TOM1L2: variants seen among roughly 807,000 people sequenced by gnomAD.
TOM1L2 encodes TOM1-like protein 2.
TOM1L2 carries 31 observed loss-of-function variants against 67.9 expected under a neutral mutation model. That is an observed-to-expected ratio of 0.46 (90% confidence interval 0.34 to 0.62). The LOEUF (loss-of-function observed/expected upper bound fraction) is 0.62, where lower values mean the gene tolerates loss of function less well. TOM1L2 is among the 20% of genes least tolerant of loss of function. TOM1L2 has a pLI of 0.01. For synonymous variants in TOM1L2, 256 were observed against 254.0 expected, an observed-to-expected ratio of 1.01 and a Z score of -0.07; for missense variants, 606 against 663.5, an observed-to-expected ratio of 0.91 and a Z score of 0.95.
At chr17:17,938,949 C>T (rs2040620364) in intron 1 of TOM1L2, among the ~76,000 whole-genome samples, 1 of 152,058 alleles carries the variant, frequency 6.6e-6, no homozygotes, top group African/African-American at 2.4e-5. Flanking sequence ...CTTGCCCAGA[C>T]ACACACACAG....
intron 7 of TOM1L2, among the ~76,000 whole-genome samples, chr17:17,874,056 T>C (rs568749369): frequency 6.8e-6 from 1 of 147,870 alleles, no homozygotes; most frequent in Non-Finnish European, 1.5e-5. Flanking sequence ...CCCGGGTTCA[T>C]GACATTCTCC....
Position 17,951,218 on chromosome 17 carries a change from G to A in TOM1L2, c.52+21044C>T, listed in dbSNP as rs1294773269. 5.9e-5 allele frequency among the ~76,000 whole-genome samples: 9 copies of A among 152,174 alleles called. 1 individual carries two copies. The highest frequency in any genetic ancestry group is 1.3e-4 in the Admixed American group (2 of 15,278). The stretch of plus-strand genomic sequence containing the variant: ...GGAAAATGACCAGCACCCAGTAGAC[G>A]GCAGTTCCCTCGCCCACCCAGCCCT... On this transcript the variant is annotated intron_variant, in intron 1 of 14. Transcript: ENST00000379504.
intron 12 of TOM1L2, among the ~76,000 whole-genome samples, chr17:17,855,193 C>T (rs901470714): frequency 6.6e-6 from 1 of 152,208 alleles, no homozygotes; most frequent in Non-Finnish European, 1.5e-5. Context: ...GCAGGGGCAG[C>T]TCTGCCTCAG....
rs11334951 is a variant in TOM1L2, at chr17:17,863,563, C to CT, written c.1085-716dup. ...AAGGAGTGGGTGGGAAGACACTAGA[C>CT]TTTTTTTTTTTTTTTTTTTTAAAGA... On this transcript the variant is annotated intron_variant, in intron 10 of 14. Transcript: ENST00000379504. 4.5e-3 allele frequency among the ~76,000 whole-genome samples: 582 copies of CT among 130,558 alleles called. 5 individuals are homozygous for CT. The highest frequency in any genetic ancestry group is 0.012 in the African/African-American group (422 of 35,282). 85.7% of individuals were successfully genotyped at this position (130,558 alleles called of 152,430 possible).
In TOM1L2 at chr17:17,893,807, G is replaced by A. The variant is rs753978800; in HGVS notation, c.220C>T (p.Leu74=). 24 of 1,613,836 alleles carry A rather than the reference G, an allele frequency of 1.5e-5. No homozygotes were observed. The highest frequency in any genetic ancestry group is 1.9e-5 in the Non-Finnish European group (22 of 1,179,828). ...CCACAGTTCTTCACACATGTCTCCA[G>A]CACCTGATGTGGGGAGGGAAGGAAA... ...YREVMLALTV[L]ETCVKNCGHR... The change falls in exon 4 of 15, where the codon CTG becomes TTG. Residue 74 remains leucine (L), a synonymous_variant. Transcript: ENST00000379504.
intron 1 of TOM1L2, among the ~76,000 whole-genome samples, chr17:17,927,143 A>C (rs1342157019): frequency 1.3e-5 from 2 of 152,234 alleles, no homozygotes; most frequent in Non-Finnish European, 2.9e-5. Context: ...ACTGTAGAAA[A>C]ATAAACACAG....
chr17:17,937,022 C>T (rs904472836), intron 1 of TOM1L2, among the ~76,000 whole-genome samples: 3 of 152,156 alleles, frequency 2.0e-5, no homozygotes, highest in East Asian at 1.9e-4. Flanking sequence ...TGACCTCCCA[C>T]GATCTTTCTG....
At chr17:17,965,860 C>A (rs1228528476) in intron 1 of TOM1L2, among the ~76,000 whole-genome samples, 1 of 152,198 alleles carries the variant, frequency 6.6e-6, no homozygotes, top group East Asian at 1.9e-4. Context: ...GTGGCTCACA[C>A]CTGTAATCCC....
At chr17:17,930,066 A>G (rs567811000) in intron 1 of TOM1L2, among the ~76,000 whole-genome samples, 2 of 152,316 alleles carry the variant, frequency 1.3e-5, no homozygotes, top group South Asian at 4.1e-4. Flanking sequence ...AAGACACTCC[A>G]TTCCAAAAAC....
At chr17:17,851,026 G>T in intron 12 of TOM1L2, 74 bp from the exon 13 acceptor site, 1 of 1,550,106 alleles carries the variant, frequency 6.5e-7, no homozygotes. Context: ...CCGGAACAAA[G>T]GAAATCATCA....
chr17:17,901,422 G>A (rs763159614), intron 2 of TOM1L2, among the ~76,000 whole-genome samples: 1 of 152,214 alleles, frequency 6.6e-6, no homozygotes, highest in East Asian at 1.9e-4. Context: ...AGTGCTCACA[G>A]CCTCGTGATT....
chr17:17,864,379 T>C (rs2036727101), intron 10 of TOM1L2, among the ~76,000 whole-genome samples: 1 of 150,456 alleles, frequency 6.6e-6, no homozygotes, highest in African/African-American at 2.5e-5. Context: ...CCTGGCTAAT[T>C]TTTTGTATTT....
chr17:17,873,983 T>C (rs1044441757), intron 7 of TOM1L2, among the ~76,000 whole-genome samples: 1 of 151,626 alleles, frequency 6.6e-6, no homozygotes, highest in Non-Finnish European at 1.5e-5. Context: ...TAGATGGGAG[T>C]CTCGCTCTGT....
At chr17:17,961,492 T>C (rs1208566685) in intron 1 of TOM1L2, among the ~76,000 whole-genome samples, 1 of 151,956 alleles carries the variant, frequency 6.6e-6, no homozygotes, top group Non-Finnish European at 1.5e-5. Context: ...GGAGGATTGC[T>C]CGAGTTCAGA....
chr17:17,876,641 C>G (rs2037437615), intron 7 of TOM1L2, among the ~76,000 whole-genome samples: 1 of 152,194 alleles, frequency 6.6e-6, no homozygotes, highest in African/African-American at 2.4e-5. Flanking sequence ...CTGCGCCAGG[C>G]ACTGCCAAGG....
At chr17:17,966,181 C>G (rs558147668) in intron 1 of TOM1L2, among the ~76,000 whole-genome samples, 2 of 152,110 alleles carry the variant, frequency 1.3e-5, no homozygotes, top group East Asian at 3.9e-4. Context: ...TTATTATTAC[C>G]ACCTGAGGTC....
At chr17:17,883,914 C>G (rs1294887231) in intron 5 of TOM1L2, among the ~76,000 whole-genome samples, 1 of 152,040 alleles carries the variant, frequency 6.6e-6, no homozygotes, top group African/African-American at 2.4e-5. Context: ...TCTCCCAGAC[C>G]CTGGTGCTTT....
intron 7 of TOM1L2, among the ~76,000 whole-genome samples, chr17:17,878,311 C>T (rs2037529711): frequency 6.6e-6 from 1 of 152,240 alleles, no homozygotes; most frequent in African/African-American, 2.4e-5. Context: ...GGACTCCTCA[C>T]TGGGGCTGGG....
chr17:17,959,402 C>T (rs960684307), intron 1 of TOM1L2, among the ~76,000 whole-genome samples: 2 of 152,198 alleles, frequency 1.3e-5, no homozygotes, highest in African/African-American at 4.8e-5. Context: ...AAATGTCATA[C>T]ATCACAGACA....
Sources: gnomAD v4.1 joint callset for allele counts (sites outside exome capture counted in the v4.1 genomes callset) on GRCh38, gnomAD v4.1.1 for gene constraint, MANE v1.5 for transcripts, NCBI Gene and HGNC (gene_info 2026-07-23, HGNC 2026-07-21) for gene names.